TRIQK: variants seen among roughly 807,000 people sequenced by gnomAD.
TRIQK encodes the protein triple QxxK/R motif containing.
In TRIQK, 10 loss-of-function variants were observed where a neutral mutation model predicts 10.8. That is an observed-to-expected ratio of 0.92 (90% CI 0.57 to 1.57). The LOEUF is 1.57. Ranked by LOEUF, TRIQK falls within the 40% of genes most tolerant of loss-of-function variation. The pLI, the probability that TRIQK is intolerant of heterozygous loss-of-function variation, is 0.00. For synonymous variants in TRIQK, 33 were observed against 33.7 expected (o/e 0.98, Z 0.07); for missense variants, 107 against 97.7 (o/e 1.09, Z -0.40).
At chr8:92,887,989 A>T (rs911601244) in intron 4 of TRIQK, among the ~76,000 whole-genome samples, 3 of 151,636 alleles carry the variant, frequency 2.0e-5, no homozygotes, top group Non-Finnish European at 3.0e-5. Context: ...AGGAAAGTGA[A>T]TTTTTTCTTT....
intron 1 of TRIQK, among the ~76,000 whole-genome samples, chr8:93,012,355 G>C (rs962756278): frequency 1.3e-5 from 2 of 152,120 alleles, no homozygotes; most frequent in Non-Finnish European, 2.9e-5. Context: ...AAAACAGAGT[G>C]CCCACGATTC....
chr8:92,934,620 A>G (rs1586453398), intron 2 of TRIQK, among the ~76,000 whole-genome samples: 1 of 151,948 alleles, frequency 6.6e-6, no homozygotes. Context: ...ACTGGTCTAT[A>G]TCCAATTTCA....
chr8:93,013,183 C>T (rs999441133), intron 1 of TRIQK, among the ~76,000 whole-genome samples: 5 of 152,208 alleles, frequency 3.3e-5, no homozygotes, highest in Middle Eastern at 3.4e-3. Context: ...GCACAGTCTC[C>T]TAAATATTCC....
At chr8:92,946,489 C>T (rs1254986818) in intron 2 of TRIQK, among the ~76,000 whole-genome samples, 2 of 151,976 alleles carry the variant, frequency 1.3e-5, no homozygotes, top group East Asian at 3.9e-4. Context: ...TCAAATAAGG[C>T]ATTTAAAAAT....
chr8:92,929,528 T>A (rs1196025643), intron 2 of TRIQK: 11 of 152,158 alleles, frequency 7.2e-5, no homozygotes, highest in Admixed American at 7.2e-4. Flanking sequence ...TGTTGTGGCA[T>A]CTGGACACAT....
At chr8:92,919,304 A>G (rs1361279344) in intron 2 of TRIQK, among the ~76,000 whole-genome samples, 1 of 151,852 alleles carries the variant, frequency 6.6e-6, no homozygotes, top group African/African-American at 2.4e-5. Flanking sequence ...TCAGTAGATC[A>G]CTTTGGGTAG....
At chr8:93,009,455 A>T (rs2130762220) in intron 1 of TRIQK, among the ~76,000 whole-genome samples, 1 of 152,222 alleles carries the variant, frequency 6.6e-6, no homozygotes, top group East Asian at 1.9e-4. Context: ...ACAAAAATAC[A>T]AAAATTATCC....
At chr8:93,002,410 A>T (rs1224795495) in intron 1 of TRIQK, among the ~76,000 whole-genome samples, 1 of 152,126 alleles carries the variant, frequency 6.6e-6, no homozygotes, top group Non-Finnish European at 1.5e-5. Flanking sequence ...AATCAGAGAT[A>T]AAAATAAACA....
At chr8:92,918,925 T>C (rs1161408612) in intron 2 of TRIQK, among the ~76,000 whole-genome samples, 2 of 151,916 alleles carry the variant, frequency 1.3e-5, no homozygotes, top group African/African-American at 4.8e-5. Context: ...GAATCTACTT[T>C]CATTCTTCTG....
chr8:92,894,237 T>C (rs1816901853), intron 3 of TRIQK, among the ~76,000 whole-genome samples: 1 of 152,138 alleles, frequency 6.6e-6, no homozygotes, highest in South Asian at 2.1e-4. Context: ...TCCAAAAGTG[T>C]ATATTGCAAA....
At position 92,885,957 on chromosome 8, in the gene TRIQK, T is replaced by G. The variant is rs1816453848; in HGVS notation, c.*665A>C. 2 of 151,696 alleles carry G rather than the reference T, an allele frequency of 1.3e-5. No homozygotes were observed. Among genetic ancestry groups the G allele is most frequent in the South Asian group, 4.1e-4 (2 of 4,828 alleles). The allele number at this position is 151,696 out of a possible 1,614,324, so 9.4% of individuals were successfully genotyped here. On this transcript the variant is annotated 3_prime_UTR_variant, in exon 5 of 5. Coordinates refer to ENST00000521988, the MANE Select transcript of TRIQK (RefSeq NM_001171797.2). ...TAAGTTAATTAAAACCAAGATCAAC[T>G]GAGCTTCTATTTACACCAGTTCAGA... is the stretch of plus-strand genomic sequence containing the variant.
chr8:92,946,210 C>T (rs1297139654), intron 2 of TRIQK, among the ~76,000 whole-genome samples: 1 of 152,090 alleles, frequency 6.6e-6, no homozygotes, highest in Non-Finnish European at 1.5e-5. Flanking sequence ...GAAAAAATCA[C>T]AGTTTACATT....
At chr8:92,927,503 T>C (rs369569702) in intron 2 of TRIQK, among the ~76,000 whole-genome samples, 4 of 152,150 alleles carry the variant, frequency 2.6e-5, no homozygotes, top group African/African-American at 9.7e-5. Flanking sequence ...GTTATTTTAC[T>C]AGAGAAGAAA....
At chr8:93,017,359 G>A (rs1005945228) in intron 1 of TRIQK, among the ~76,000 whole-genome samples, 2 of 152,268 alleles carry the variant, frequency 1.3e-5, no homozygotes, top group African/African-American at 4.8e-5. Context: ...ATTATGATCA[G>A]GTCTAGGCTG....
chr8:92,942,522 G>A (rs1237239822), intron 2 of TRIQK, among the ~76,000 whole-genome samples: 2 of 152,142 alleles, frequency 1.3e-5, no homozygotes, highest in Non-Finnish European at 2.9e-5. Context: ...GTTCAACATA[G>A]TATTGGAAGT....
upstream of TRIQK, chr8:92,966,256 T>G (rs1200231538): frequency 6.6e-6 from 1 of 152,270 alleles, no homozygotes; most frequent in Non-Finnish European, 1.5e-5. Context: ...CCCTGAGGCC[T>G]TTCCCTCATT....
intron 2 of TRIQK, among the ~76,000 whole-genome samples, chr8:92,951,722 C>A (rs1413220387): frequency 3.9e-5 from 6 of 152,086 alleles, no homozygotes; most frequent in African/African-American, 1.4e-4. Context: ...TTAACAAGAT[C>A]TGTCCTCAGG....
chr8:92,928,198 G>T lies in TRIQK; in HGVS notation c.-21-11188C>A, dbSNP rs189918834. On this transcript the variant is annotated intron_variant, in intron 2 of 4. Coordinates refer to ENST00000521988, the MANE Select transcript of TRIQK (RefSeq NM_001171797.2). ...CCTATAACCAAATGGGTCAGGTAGG[G>T]CAGTGAGAAAAGTTAACAGGAATGT... Among the ~76,000 whole-genome samples the T allele has an allele frequency of 2.0e-5, 3 of 152,274 alleles. No homozygotes were observed. In the East Asian group the frequency reaches 5.8e-4, roughly 29 times the overall value.
At chr8:92,979,295 T>A (rs932172813) in intron 1 of TRIQK, among the ~76,000 whole-genome samples, 1 of 152,094 alleles carries the variant, frequency 6.6e-6, no homozygotes, top group South Asian at 2.1e-4. Flanking sequence ...TTATAGAAGA[T>A]CTGTAGGATG....
Sources: allele counts gnomAD v4.1 joint callset (sites outside exome capture counted in the v4.1 genomes callset), GRCh38; gene constraint gnomAD v4.1.1; transcripts MANE v1.5; gene names NCBI Gene and HGNC (gene_info 2026-07-23, HGNC 2026-07-21).